The following AFDN variants were observed in gnomAD, a reference collection of about 807,000 sequenced individuals.
AFDN encodes the protein afadin.
Under a neutral mutation model 216.6 loss-of-function variants are expected in AFDN, and 68 were observed. The ratio of observed to expected loss-of-function variants is 0.31; its 90% CI spans 0.26 to 0.38. The LOEUF is 0.38. AFDN is among the 10% of genes least tolerant of loss of function. The pLI is 1.00. For synonymous variants in AFDN, 868 were observed against 853.7 expected, an observed-to-expected ratio of 1.02 and a Z score of -0.29; for missense variants, 2,136 against 2,342.0, an observed-to-expected ratio of 0.91 and a Z score of 1.82.
intron 11 of AFDN, among the ~76,000 whole-genome samples, chr6:167,899,513 C>T (rs1029676671): frequency 2.0e-5 from 3 of 152,192 alleles, no homozygotes; most frequent in Admixed American, 2.0e-4. Flanking sequence ...CATTGATCAG[C>T]CGTGTCCCTA....
intron 11 of AFDN, among the ~76,000 whole-genome samples, chr6:167,899,399 A>G (rs1374901645): frequency 6.6e-6 from 1 of 152,158 alleles, no homozygotes; most frequent in African/African-American, 2.4e-5. Flanking sequence ...TTCCCAAGAA[A>G]ATCCATTTCT....
At chr6:167,894,970 T>A (rs747488165) in intron 9 of AFDN, among the ~76,000 whole-genome samples, 13 of 152,252 alleles carry the variant, frequency 8.5e-5, no homozygotes, top group Non-Finnish European at 1.5e-4. Flanking sequence ...CTGCTTTTGC[T>A]TTCTTTATAA....
chr6:167,882,250 A>G (rs961931379), intron 6 of AFDN, among the ~76,000 whole-genome samples: 1 of 152,146 alleles, frequency 6.6e-6, no homozygotes, highest in African/African-American at 2.4e-5. Flanking sequence ...GAGGGGGGAA[A>G]ATGTTAATAA....
chr6:167,902,468 T>C, intron 12 of AFDN, 82 bp downstream of exon 12: 2 of 1,035,612 alleles, frequency 1.9e-6, no homozygotes, highest in Admixed American at 1.8e-5. Flanking sequence ...GGGGATGTGT[T>C]CCCCTTATTT....
At chr6:167,907,369 TA>T in intron 13 of AFDN, 80 bp downstream of exon 13, 1 of 1,116,464 alleles carries the variant, frequency 9.0e-7, no homozygotes, top group Non-Finnish European at 1.4e-6. Flanking sequence ...TTGTTGAATT[TA>T]TAAAGGTTCA....
At chr6:167,909,247 T>A (rs1790089145) in intron 13 of AFDN, among the ~76,000 whole-genome samples, 1 of 152,086 alleles carries the variant, frequency 6.6e-6, no homozygotes, top group Non-Finnish European at 1.5e-5. Flanking sequence ...TAATCAACTC[T>A]GAAACATATA....
At position 167,948,317 on chromosome 6, in the gene AFDN, GAAGCCTACC is replaced by G; in HGVS notation, c.3671_3679del (p.Glu1224_Pro1227delinsAla). ...GGAGCAGACGCCTCCGCCTAGACCT[GAAGCCTACC>G]CCATCCCCACTCAGACGTACACCAG... On this transcript the variant is annotated inframe_deletion, in exon 29 of 34. Transcript: ENST00000683244. 6.2e-7 allele frequency: 1 copy of G among 1,613,828 alleles called. No individual in the cohort carries two copies. The highest frequency in any genetic ancestry group is 8.5e-7 in the Non-Finnish European group (1 of 1,179,886).
intron 10 of AFDN, among the ~76,000 whole-genome samples, chr6:167,897,642 C>CTTT (rs57383020): frequency 0.045 from 4,051 of 89,546 alleles, 459 homozygotes; most frequent in African/African-American, 0.072. Context: ...GACTGTATGC[C>CTTT]TTTTTTTTTT....
chr6:167,844,279 A>G (rs1481904563), intron 1 of AFDN, among the ~76,000 whole-genome samples: 3 of 151,252 alleles, frequency 2.0e-5, no homozygotes, highest in Non-Finnish European at 1.5e-5. Flanking sequence ...GGCTCAAGCA[A>G]TCCTCCTGCC....
At position 167,913,366 on chromosome 6, in the gene AFDN, C is replaced by A. The variant is rs533174295; in HGVS notation, c.2038-37C>A. 3.3e-6 allele frequency: 5 copies of A among 1,533,940 alleles called. No individual in the cohort carries two copies. The South Asian group carries it at 6.0e-5, about 18-fold the overall frequency. On this transcript the variant is annotated intron_variant, in intron 15 of 33. Transcript: ENST00000683244. ...TGATTGTTTACAAGTTTCTTTCTCT[C>A]GTTCTGCTTGATTTCCCCTCGTCTG...
Position 167,962,066 on chromosome 6 carries a change from T to C in AFDN, c.4834-367T>C, listed in dbSNP as rs1194722655. On this transcript the variant is annotated intron_variant, in intron 30 of 33. Coordinates refer to ENST00000683244, the MANE Select transcript of AFDN (RefSeq NM_001386888.1). This position sits in a 1 kb window ranked among gnomAD's most constrained non-coding sequence, Gnocchi z 5.2. ...GAGGTGTTTCAGTGTGTTCTGCAGG[T>C]CCATCAAGTGGGGCCTGTTTGAGCC... Among the ~76,000 whole-genome samples, 2 of 152,194 alleles carry C rather than the reference T, an allele frequency of 1.3e-5. No homozygotes were observed. The highest frequency in any genetic ancestry group is 2.9e-5 in the Non-Finnish European group (2 of 68,034).
intron 30 of AFDN, among the ~76,000 whole-genome samples, chr6:167,957,401 G>A (rs1329651282): frequency 1.3e-5 from 2 of 152,202 alleles, no homozygotes; most frequent in Non-Finnish European, 2.9e-5. Context: ...TCGAGTGAGT[G>A]GGATCGGATT....
intron 1 of AFDN, among the ~76,000 whole-genome samples, chr6:167,830,346 G>C (rs1012745008): frequency 6.6e-6 from 1 of 152,162 alleles, no homozygotes; most frequent in Non-Finnish European, 1.5e-5. Context: ...CAAGAGTGTA[G>C]AATTTTCTTG....
intron 1 of AFDN, among the ~76,000 whole-genome samples, chr6:167,842,336 T>C (rs1051499425): frequency 2.0e-5 from 3 of 152,134 alleles, no homozygotes; most frequent in Non-Finnish European, 2.9e-5. Context: ...TGCTCATGTC[T>C]CAGGACAGTG....
intron 9 of AFDN, among the ~76,000 whole-genome samples, chr6:167,894,167 A>G (rs1207003108): frequency 6.6e-6 from 1 of 152,110 alleles, no homozygotes; most frequent in Non-Finnish European, 1.5e-5. Flanking sequence ...CAAAAGCAGC[A>G]GTGGCTGTGG....
intron 1 of AFDN, among the ~76,000 whole-genome samples, chr6:167,851,270 C>CT (rs1177930572): frequency 6.6e-6 from 1 of 152,064 alleles, no homozygotes; most frequent in Non-Finnish European, 1.5e-5. Flanking sequence ...ACACACCTTT[C>CT]TTTTTTTAAC....
chr6:167,906,859 G>A (rs1179304391), intron 12 of AFDN, among the ~76,000 whole-genome samples: 3 of 152,106 alleles, frequency 2.0e-5, no homozygotes, highest in Admixed American at 6.5e-5. Flanking sequence ...TGTTGGAATC[G>A]AATTACTATT....
At chr6:167,893,758 C>A in intron 8 of AFDN, 104 bp from the exon 9 acceptor site, 1 of 852,140 alleles carries the variant, frequency 1.2e-6, no homozygotes, top group Non-Finnish European at 2.0e-6. Context: ...CTGAAGTTCA[C>A]CCTCTGCGTC....
chr6:167,960,453 T>G (rs1796928474), intron 30 of AFDN, among the ~76,000 whole-genome samples: 1 of 152,216 alleles, frequency 6.6e-6, no homozygotes. Context: ...AACTAATTGG[T>G]CTATCATTGT....
Sources: gnomAD v4.1 joint callset for allele counts (sites outside exome capture counted in the v4.1 genomes callset) on GRCh38, gnomAD v4.1.1 for gene constraint, Gnocchi (gnomAD v3.1) non-coding constraint, MANE v1.5 for transcripts, NCBI Gene and HGNC (gene_info 2026-07-23, HGNC 2026-07-21) for gene names.